The following NAV3 variants were observed in gnomAD, a reference collection of about 807,000 sequenced individuals.
NAV3 encodes neuron navigator 3.
NAV3 carries 87 observed loss-of-function variants against 244.7 expected under a neutral mutation model. The ratio of observed to expected loss-of-function variants is 0.36; its 90% CI spans 0.30 to 0.42. The LOEUF is 0.42. Among genes scored for constraint, NAV3 ranks in the 20% least tolerant of loss-of-function variants. NAV3 has a pLI of 1.00. For synonymous variants in NAV3, 1,126 were observed against 1,042.2 expected (o/e 1.08, Z -1.55); for missense variants, 2,663 against 2,893.3 (o/e 0.92, Z 1.83).
intron 1 of NAV3, among the ~76,000 whole-genome samples, chr12:77,912,059 AT>A (rs1886651384): frequency 6.6e-6 from 1 of 152,148 alleles, no homozygotes; most frequent in Non-Finnish European, 1.5e-5. Context: ...TATGGCAAGC[AT>A]TCCTTGAGGC....
Position 77,644,854 on chromosome 12 carries a change from A to G in NAV3, c.72+72588A>G, listed in dbSNP as rs574353816. ...CAAACAAAGCAACAAAAAAGTTTCT[A>G]TCACATTCTAAATATAAACCAAAAT... On this transcript the variant is annotated intron_variant, in intron 2 of 8. Transcript: ENST00000550042. Among the ~76,000 whole-genome samples the G allele has an allele frequency of 2.0e-5, 3 of 152,310 alleles. No individual in the cohort carries two copies. The South Asian group carries it at 6.2e-4, about 32-fold the overall frequency.
intron 2 of NAV3, among the ~76,000 whole-genome samples, chr12:77,625,218 T>A (rs927021970): frequency 1.3e-5 from 2 of 152,214 alleles, no homozygotes; most frequent in African/African-American, 4.8e-5. Flanking sequence ...ATATGTTTAA[T>A]GGTCACTTTT....
chr12:77,961,227 T>C (rs1298260682), intron 3 of NAV3, among the ~76,000 whole-genome samples: 1 of 5,298 alleles, frequency 1.9e-4, no homozygotes, highest in Non-Finnish European at 5.8e-4. Context: ...TTACTATATA[T>C]GTAATAATAT....
intron 2 of NAV3, among the ~76,000 whole-genome samples, chr12:77,738,701 T>G (rs1343343180): frequency 6.6e-6 from 1 of 152,092 alleles, no homozygotes; most frequent in South Asian, 2.1e-4. Context: ...AGAGGCAGAA[T>G]AGGAGAGTGG....
At chr12:77,668,322 T>A (rs1179731243) in intron 2 of NAV3, among the ~76,000 whole-genome samples, 1 of 152,138 alleles carries the variant, frequency 6.6e-6, no homozygotes, top group Admixed American at 6.5e-5. Flanking sequence ...GATGGTCGAC[T>A]ATTAAGCTAA....
chr12:77,964,733 T>A (rs970775639), intron 3 of NAV3, among the ~76,000 whole-genome samples: 1 of 152,202 alleles, frequency 6.6e-6, no homozygotes, highest in Non-Finnish European at 1.5e-5. Flanking sequence ...GTATTCAGCA[T>A]CTTCAACTCT....
intron 2 of NAV3, among the ~76,000 whole-genome samples, chr12:77,728,709 T>A (rs1011111237): frequency 2.6e-5 from 4 of 151,902 alleles, no homozygotes; most frequent in African/African-American, 9.7e-5. Flanking sequence ...GAATCCAATT[T>A]TGTAAGTGAT....
At chr12:77,971,887 A>G (rs1893027487) in intron 5 of NAV3, among the ~76,000 whole-genome samples, 1 of 152,110 alleles carries the variant, frequency 6.6e-6, no homozygotes, top group Non-Finnish European at 1.5e-5. Flanking sequence ...TTTAAAGTAA[A>G]TTGGCATAAT....
At chr12:77,957,450 A>T (rs1481265574) in intron 3 of NAV3, among the ~76,000 whole-genome samples, 1 of 152,164 alleles carries the variant, frequency 6.6e-6, no homozygotes, top group Non-Finnish European at 1.5e-5. Context: ...CCATAAGTGT[A>T]AAAAAATGTG....
chr12:78,030,330 T>A (rs3898325), intron 9 of NAV3, among the ~76,000 whole-genome samples: 30,151 of 152,124 alleles, frequency 0.2, 3,176 homozygotes, highest in Middle Eastern at 0.27. Flanking sequence ...TGGATGCTAG[T>A]GAAACCACAA....
intron 30 of NAV3, among the ~76,000 whole-genome samples, chr12:78,183,157 A>G (rs1163386268): frequency 6.6e-6 from 1 of 151,954 alleles, no homozygotes; most frequent in Non-Finnish European, 1.5e-5. Context: ...ATTTTCTAGT[A>G]AAAAACAAAA....
intron 9 of NAV3, among the ~76,000 whole-genome samples, chr12:78,044,684 T>C (rs1881462664): frequency 6.6e-6 from 1 of 152,194 alleles, no homozygotes; most frequent in African/African-American, 2.4e-5. Flanking sequence ...TTTATTCTCT[T>C]TGTAGCAATT....
At chr12:78,054,036 G>T (rs866736383) in intron 11 of NAV3, among the ~76,000 whole-genome samples, 1 of 152,164 alleles carries the variant, frequency 6.6e-6, no homozygotes, top group African/African-American at 2.4e-5. Flanking sequence ...AGTGCAATAT[G>T]TTGGGAATTT....
chr12:78,015,195 A>G (rs1875977408), intron 8 of NAV3, among the ~76,000 whole-genome samples: 1 of 152,074 alleles, frequency 6.6e-6, no homozygotes, highest in Admixed American at 6.6e-5. Flanking sequence ...AACCATTTTA[A>G]TCTTACAGAA....
rs142978508 is a variant in NAV3 at position 78,090,483 on chromosome 12, C to G, written c.2637-26289C>G. Among the ~76,000 whole-genome samples, 79 of 152,066 alleles carry G rather than the reference C, an allele frequency of 5.2e-4. No individual in the cohort carries two copies. In the East Asian group the frequency reaches 9.9e-3, roughly 19 times the overall value. On this transcript the variant is annotated intron_variant, in intron 12 of 39. Transcript: ENST00000397909. Reference sequence around the variant, plus strand: ...CCTGATGTCACCACAGAAACTTTGTCTTAAATGATTCCAAGTTCTTAGATT... The same window carrying G: ...CCTGATGTCACCACAGAAACTTTGTGTTAAATGATTCCAAGTTCTTAGATT...
chr12:77,952,688 A>G (rs1398999315), intron 3 of NAV3, among the ~76,000 whole-genome samples: 1 of 152,114 alleles, frequency 6.6e-6, no homozygotes, highest in Non-Finnish European at 1.5e-5. Flanking sequence ...AAAAAAAATT[A>G]TTTGGCTCCT....
intron 2 of NAV3, among the ~76,000 whole-genome samples, chr12:77,662,988 G>T (rs769626812): frequency 6.6e-6 from 1 of 152,086 alleles, no homozygotes; most frequent in Non-Finnish European, 1.5e-5. Context: ...AAAGAAAAAT[G>T]CTTATGCCTT....
rs779894105 is a variant in NAV3, at chr12:78,204,984, A to T, written c.6884A>T (p.Asp2295Val). The change falls in exon 39 of 40, where the codon GAC (aspartate) becomes GTC (valine). Residue 2295 changes from aspartate to valine, a missense_variant. By Grantham distance (152) the Asp-to-Val change is radical. Transcript: ENST00000397909. ...PWEDPSKWVL[D>V]TYPWSSATLP... Reference sequence around the variant, plus strand: ...GAAGATCCTTCAAAGTGGGTGCTTGACACATATCCATGGAGCTCAGCAACT... The same window carrying T: ...GAAGATCCTTCAAAGTGGGTGCTTGTCACATATCCATGGAGCTCAGCAACT... 6.2e-7 allele frequency: 1 copy of T among 1,613,440 alleles called. No individual in the cohort carries two copies. The highest frequency in any genetic ancestry group is 1.3e-5 in the African/African-American group (1 of 74,872).
At chr12:77,735,698 A>T (rs746386898) in intron 2 of NAV3, among the ~76,000 whole-genome samples, 1 of 152,164 alleles carries the variant, frequency 6.6e-6, no homozygotes, top group Non-Finnish European at 1.5e-5. Context: ...ACTTCTTTAC[A>T]TGGGATTTTA....
Sources: gnomAD v4.1 joint callset for allele counts (sites outside exome capture counted in the v4.1 genomes callset) on GRCh38, gnomAD v4.1.1 for gene constraint, MANE v1.5 for transcripts, NCBI Gene and HGNC (gene_info 2026-07-23, HGNC 2026-07-21) for gene names.